SLC35F1: variants seen among roughly 807,000 people sequenced by gnomAD.
The protein encoded by SLC35F1 is solute carrier family 35 member F1, also known as chromosome 6 open reading frame 169.
In SLC35F1, 14 loss-of-function variants were observed where a neutral mutation model predicts 48.7. The observed-to-expected ratio is 0.29, with a 90% CI of 0.19 to 0.45. The LOEUF (loss-of-function observed/expected upper bound fraction) is 0.45. SLC35F1 is among the 20% of genes least tolerant of loss of function. The pLI is 1.00. For missense variants in SLC35F1, 404 were observed against 500.0 expected (o/e 0.81, Z 1.83); for synonymous variants, 190 against 202.2 (o/e 0.94, Z 0.51).
At chr6:118,312,008 G>A (rs1429374300) in intron 7 of SLC35F1, among the ~76,000 whole-genome samples, 1 of 152,164 alleles carries the variant, frequency 6.6e-6, no homozygotes, top group Non-Finnish European at 1.5e-5. Flanking sequence ...TAGTAGGTGT[G>A]CTTTACTGAG....
At chr6:117,910,536 C>G (rs908316671) in intron 1 of SLC35F1, among the ~76,000 whole-genome samples, 1 of 152,204 alleles carries the variant, frequency 6.6e-6, no homozygotes, top group Non-Finnish European at 1.5e-5. Context: ...AACTTAGCTC[C>G]TAGCAGAAAG....
In SLC35F1 at chr6:118,187,378, CT is replaced by C. The variant is rs151108770; in HGVS notation, c.349+32759del. On this transcript the variant is annotated intron_variant, in intron 2 of 7. Transcript: ENST00000360388. Reference sequence around the variant, plus strand: ...CCCTCAGATGTAAGAAAAAAGAGGCCTGAAAATTGTAACCAACTCATGAAAA... The same window carrying C: ...CCCTCAGATGTAAGAAAAAAGAGGCCGAAAATTGTAACCAACTCATGAAAA... 3.0e-3 allele frequency among the ~76,000 whole-genome samples: 453 copies of C among 152,266 alleles called. 2 individuals carry two copies. Among genetic ancestry groups the C allele is most frequent in the African/African-American group, 0.011 (440 of 41,538 alleles).
intron 2 of SLC35F1, among the ~76,000 whole-genome samples, chr6:118,197,516 A>T (rs951614604): frequency 1.3e-5 from 2 of 152,232 alleles, no homozygotes; most frequent in African/African-American, 4.8e-5. Context: ...GGGATTAAGT[A>T]AAAGTTTCCC....
chr6:118,127,496 A>G (rs1039916705), intron 1 of SLC35F1, among the ~76,000 whole-genome samples: 2 of 152,106 alleles, frequency 1.3e-5, no homozygotes, highest in Non-Finnish European at 2.9e-5. Flanking sequence ...CTGGCCTCAT[A>G]AAATGAGTCA....
intron 1 of SLC35F1, among the ~76,000 whole-genome samples, chr6:118,128,559 G>A (rs1773662880): frequency 6.6e-6 from 1 of 151,900 alleles, no homozygotes; most frequent in African/African-American, 2.4e-5. Flanking sequence ...ACTATCGCAA[G>A]GACAAAAAAC....
At chr6:117,993,998 C>A (rs1171123258) in intron 1 of SLC35F1, among the ~76,000 whole-genome samples, 1 of 152,114 alleles carries the variant, frequency 6.6e-6, no homozygotes, top group African/African-American at 2.4e-5. Context: ...TACTGGGTCT[C>A]AAGAGACAGA....
In SLC35F1 at chr6:117,955,579, A is replaced by G. The variant is rs1776417911; in HGVS notation, c.173+47680A>G. Among the ~76,000 whole-genome samples the G allele has an allele frequency of 2.0e-5, 3 of 152,220 alleles. No homozygotes were observed. The South Asian group carries it at 6.2e-4, about 32-fold the overall frequency. On this transcript the variant is annotated intron_variant, in intron 1 of 7. Transcript: ENST00000360388. ...ACTTGATGCTCCATGGTCAACAATT[A>G]TAGACAAGATTTCCAATGCTGTTCC...
At chr6:118,105,973 T>G (rs1773322190) in intron 1 of SLC35F1, among the ~76,000 whole-genome samples, 1 of 152,210 alleles carries the variant, frequency 6.6e-6, no homozygotes, top group African/African-American at 2.4e-5. Flanking sequence ...TGTCCCAGAC[T>G]GCACAATAAA....
chr6:118,158,542 T>C (rs7740975), intron 2 of SLC35F1, among the ~76,000 whole-genome samples: 45,280 of 152,132 alleles, frequency 0.3, 7,346 homozygotes, highest in Non-Finnish European at 0.37. Context: ...CAAATCTTTC[T>C]TTATAGTTTT....
At chr6:118,029,523 A>T (rs919093512) in intron 1 of SLC35F1, among the ~76,000 whole-genome samples, 2 of 152,164 alleles carry the variant, frequency 1.3e-5, no homozygotes, top group African/African-American at 4.8e-5. Context: ...GGTATGTTGT[A>T]TATACAGGAA....
chr6:118,093,728 A>G lies in SLC35F1; in HGVS notation c.174-60717A>G, dbSNP rs1460123223. Among the ~76,000 whole-genome samples, 4 of 152,210 alleles carry G rather than the reference A, an allele frequency of 2.6e-5. No individual in the cohort carries two copies. The East Asian group carries it at 5.8e-4, about 22-fold the overall frequency. On this transcript the variant is annotated intron_variant, in intron 1 of 7. Transcript: ENST00000360388. Reference sequence around the variant, plus strand: ...ATTAGCAGCATAAGAATGGACTAAAATACACCAAGAGAATGAAATAGACAT... The same window carrying G: ...ATTAGCAGCATAAGAATGGACTAAAGTACACCAAGAGAATGAAATAGACAT...
intron 1 of SLC35F1, among the ~76,000 whole-genome samples, chr6:117,997,837 C>T (rs1777019133): frequency 6.6e-6 from 1 of 152,162 alleles, no homozygotes. Context: ...ATTGTAAAGA[C>T]CATCAAGGCT....
chr6:118,280,446 A>T (rs997766535), intron 6 of SLC35F1, among the ~76,000 whole-genome samples: 1 of 152,068 alleles, frequency 6.6e-6, no homozygotes, highest in African/African-American at 2.4e-5. Flanking sequence ...TTCACTTTTG[A>T]TGTTGTGGTT....
At chr6:118,273,792 C>A (rs570747074) in intron 4 of SLC35F1, among the ~76,000 whole-genome samples, 76 of 152,256 alleles carry the variant, frequency 5.0e-4, no homozygotes, top group Non-Finnish European at 9.6e-4. Context: ...TCCCCATGAA[C>A]CCAAAGAGAA....
chr6:118,182,448 C>T (rs1774591562), intron 2 of SLC35F1, among the ~76,000 whole-genome samples: 2 of 148,100 alleles, frequency 1.4e-5, no homozygotes, highest in African/African-American at 5.0e-5. Flanking sequence ...CCTGTGTTCA[C>T]ACCGCTGCAC....
chr6:118,023,130 A>G (rs1433179012), intron 1 of SLC35F1, among the ~76,000 whole-genome samples: 2 of 152,170 alleles, frequency 1.3e-5, no homozygotes, highest in Non-Finnish European at 2.9e-5. Flanking sequence ...CCTGTCATTT[A>G]ATATGTGGGC....
intron 1 of SLC35F1, among the ~76,000 whole-genome samples, chr6:117,988,062 CTCTTTCTAGAGCA>C (rs1229225812): frequency 6.6e-6 from 1 of 152,126 alleles, no homozygotes; most frequent in East Asian, 1.9e-4. Flanking sequence ...CAAACCTACA[CTCTTTCTAGAGCA>C]ATCCAGTGGA....
rs566670856 is a variant in SLC35F1, at chr6:118,247,006, C to T, written c.477+11370C>T. 4.6e-5 allele frequency among the ~76,000 whole-genome samples: 7 copies of T among 152,298 alleles called. No homozygotes were observed. In the South Asian group the frequency reaches 1.0e-3, roughly 23 times the overall value. ...GACACCCATTATCTTAGCAATGTCTCCAGCACATAGTAGATGCTCAATAAA... is the reference window on the plus strand; with the variant it reads ...GACACCCATTATCTTAGCAATGTCTTCAGCACATAGTAGATGCTCAATAAA... On this transcript the variant is annotated intron_variant, in intron 3 of 7. Coordinates refer to ENST00000360388, the MANE Select transcript of SLC35F1 (RefSeq NM_001029858.4).
chr6:117,990,037 TC>T (rs1204272954), intron 1 of SLC35F1, among the ~76,000 whole-genome samples: 1 of 152,200 alleles, frequency 6.6e-6, no homozygotes, highest in Non-Finnish European at 1.5e-5. Flanking sequence ...TTCAGTATTT[TC>T]TTTCTGCTTG....
Sources: gnomAD v4.1 joint callset for allele counts (sites outside exome capture counted in the v4.1 genomes callset) on GRCh38, gnomAD v4.1.1 for gene constraint, MANE v1.5 for transcripts, NCBI Gene and HGNC (gene_info 2026-07-23, HGNC 2026-07-21) for gene names.